FBXW8: variants seen among roughly 807,000 people sequenced by gnomAD.
FBXW8 encodes the protein F-box and WD repeat domain containing 8, also known as F-box/WD repeat-containing protein 8.
In FBXW8, 57 loss-of-function variants were observed where a neutral mutation model predicts 65.3. That is an observed-to-expected ratio of 0.87 (90% confidence interval 0.71 to 1.09). The LOEUF is 1.09. Ranked by LOEUF, FBXW8 falls within the 50% of genes least tolerant of loss-of-function variation. The probability of loss-of-function intolerance (pLI) is 0.00; values close to 1 mark genes in which losing one functional copy is unlikely to be tolerated. For synonymous variants in FBXW8, 308 were observed against 330.2 expected (o/e 0.93, Z 0.73); for missense variants, 777 against 814.8 (o/e 0.95, Z 0.57).
At chr12:116,917,916 C>T (rs1273699131) in intron 1 of FBXW8, among the ~76,000 whole-genome samples, 4 of 147,034 alleles carry the variant, frequency 2.7e-5, no homozygotes, top group East Asian at 2.1e-4. Flanking sequence ...TGCTTGAACC[C>T]GGGAAGCAGA....
At chr12:116,986,314 A>G (rs1885670895) in intron 6 of FBXW8, 1 of 152,234 alleles carries the variant, frequency 6.6e-6, no homozygotes, top group African/African-American at 2.4e-5. Flanking sequence ...CTGTCAGCTC[A>G]TCTGGGTTTT....
rs1230749537 is a variant in FBXW8, at chr12:116,961,610, TG to T, written c.678-3086del. ...GGTTCTCTGGGTATATGGCAAGCGC[TG>T]TTCTAGTCTGTCTGTTCCAGTCATT... On this transcript the variant is annotated intron_variant, in intron 4 of 10. Coordinates refer to ENST00000652555, the MANE Select transcript of FBXW8 (RefSeq NM_153348.3). This position sits in a 1 kb window ranked among gnomAD's most constrained non-coding sequence, Gnocchi z 4.4. Among the ~76,000 whole-genome samples the T allele has an allele frequency of 6.6e-6, 1 of 152,194 alleles. No individual in the cohort carries two copies. Among genetic ancestry groups the T allele is most frequent in the Non-Finnish European group, 1.5e-5 (1 of 68,040 alleles).
chr12:116,975,242 G>A (rs187479229), intron 5 of FBXW8, among the ~76,000 whole-genome samples: 9 of 152,194 alleles, frequency 5.9e-5, no homozygotes, highest in Non-Finnish European at 8.8e-5. Flanking sequence ...GTCTCTGTCC[G>A]TTTGGGCTGT....
chr12:116,930,427 C>T (rs1013592776), intron 2 of FBXW8, among the ~76,000 whole-genome samples: 4 of 152,126 alleles, frequency 2.6e-5, no homozygotes, highest in Non-Finnish European at 5.9e-5. Flanking sequence ...ACCTATTGGC[C>T]ATTTGTATGT....
chr12:116,987,645 AT>A (rs1034875206), intron 6 of FBXW8, among the ~76,000 whole-genome samples: 1 of 152,062 alleles, frequency 6.6e-6, no homozygotes, highest in African/African-American at 2.4e-5. Context: ...AAATGTTAAA[AT>A]TTTTTTTGCG....
intron 6 of FBXW8, among the ~76,000 whole-genome samples, chr12:116,987,587 A>G (rs1885809606): frequency 6.6e-6 from 1 of 152,230 alleles, no homozygotes; most frequent in African/African-American, 2.4e-5. Flanking sequence ...ACCAGGAGAC[A>G]GCAGATCACT....
chr12:116,942,407 C>T (rs565891684), intron 2 of FBXW8, among the ~76,000 whole-genome samples: 10 of 138,426 alleles, frequency 7.2e-5, no homozygotes, highest in East Asian at 2.1e-4. Flanking sequence ...CAGAGTCTTG[C>T]GCTGTTGCCC....
chr12:116,963,059 A>G (rs1884080381), intron 4 of FBXW8, among the ~76,000 whole-genome samples: 1 of 152,082 alleles, frequency 6.6e-6, no homozygotes, highest in South Asian at 2.1e-4. Flanking sequence ...TGTTTACTGG[A>G]GGATCAGTGG....
chr12:116,976,974 T>C (rs1410160495), intron 5 of FBXW8, among the ~76,000 whole-genome samples: 1 of 152,166 alleles, frequency 6.6e-6, no homozygotes, highest in African/African-American at 2.4e-5. Flanking sequence ...ATTGGGCTCT[T>C]GTGATCCACT....
intron 1 of FBXW8, among the ~76,000 whole-genome samples, chr12:116,914,952 C>T (rs557373707): frequency 1.2e-4 from 18 of 152,322 alleles, no homozygotes; most frequent in South Asian, 4.1e-4. Context: ...TCATTGTGTG[C>T]GTAAACTGTC....
intron 7 of FBXW8, among the ~76,000 whole-genome samples, chr12:116,997,973 G>A (rs910511991): frequency 6.6e-6 from 1 of 152,108 alleles, no homozygotes; most frequent in African/African-American, 2.4e-5. Context: ...GTGCCACCAT[G>A]CCTAGCTAAT....
At chr12:116,918,333 T>C (rs892969252) in intron 1 of FBXW8, among the ~76,000 whole-genome samples, 1 of 152,176 alleles carries the variant, frequency 6.6e-6, no homozygotes, top group Non-Finnish European at 1.5e-5. Flanking sequence ...GCTCCATTTT[T>C]ATTTAGGTGG....
At chr12:117,015,592 T>G (rs1953932834) in intron 8 of FBXW8, among the ~76,000 whole-genome samples, 1 of 152,132 alleles carries the variant, frequency 6.6e-6, no homozygotes, top group Non-Finnish European at 1.5e-5. Flanking sequence ...GAGTTGGTGC[T>G]AAGGGCAAAT....
At chr12:116,997,163 A>G (rs904864035) in intron 7 of FBXW8, among the ~76,000 whole-genome samples, 2 of 152,226 alleles carry the variant, frequency 1.3e-5, no homozygotes, top group Admixed American at 1.3e-4. Context: ...ACCTCCACAG[A>G]GCCCTAGAGT....
intron 7 of FBXW8, among the ~76,000 whole-genome samples, chr12:117,000,555 A>G (rs1179495782): frequency 6.6e-6 from 1 of 152,230 alleles, no homozygotes; most frequent in African/African-American, 2.4e-5. Flanking sequence ...GAGAATTTGC[A>G]TGTCTAACAA....
intron 7 of FBXW8, among the ~76,000 whole-genome samples, chr12:117,007,796 A>G (rs1268986668): frequency 2.6e-5 from 4 of 152,160 alleles, no homozygotes; most frequent in African/African-American, 9.7e-5. Flanking sequence ...ATGAAGTCCC[A>G]TTTGCTCAAC....
intron 4 of FBXW8, among the ~76,000 whole-genome samples, chr12:116,956,951 G>T (rs1277622066): frequency 2.6e-5 from 4 of 151,746 alleles, no homozygotes; most frequent in Non-Finnish European, 4.4e-5. Flanking sequence ...CTGGGCAACA[G>T]AGTGAGACTC....
At chr12:116,931,658 T>A (rs1004931704) in intron 2 of FBXW8, among the ~76,000 whole-genome samples, 1 of 152,208 alleles carries the variant, frequency 6.6e-6, no homozygotes, top group Non-Finnish European at 1.5e-5. Flanking sequence ...CTTGATTTCT[T>A]TTACAGATAG....
chr12:116,941,916 C>T (rs1305188380), intron 2 of FBXW8, among the ~76,000 whole-genome samples: 1 of 152,162 alleles, frequency 6.6e-6, no homozygotes, highest in Non-Finnish European at 1.5e-5. Context: ...TCCAGTAGTG[C>T]ACCAAAAACT....
Sources: allele counts gnomAD v4.1 joint callset (sites outside exome capture counted in the v4.1 genomes callset), GRCh38; gene constraint gnomAD v4.1.1; non-coding constraint Gnocchi (gnomAD v3.1); transcripts MANE v1.5; gene names NCBI Gene and HGNC (gene_info 2026-07-23, HGNC 2026-07-21).